Variants in GPC5 observed in about 807,000 individuals in gnomAD.
GPC5 encodes glypican 5.
A neutral mutation model predicts 53.9 loss-of-function variants in GPC5; 47 were observed. That is an observed-to-expected ratio of 0.87 (90% CI 0.69 to 1.11). The LOEUF (loss-of-function observed/expected upper bound fraction) is 1.11, where lower values mean the gene tolerates loss of function less well. Among genes scored for constraint, GPC5 ranks in the 50% most tolerant of loss-of-function variants. The pLI, the probability that GPC5 is intolerant of heterozygous loss-of-function variation, is 0.00. For missense variants in GPC5, 748 were observed against 713.1 expected (o/e 1.05, Z -0.56); for synonymous variants, 286 against 263.3 (o/e 1.09, Z -0.84).
intron 6 of GPC5, among the ~76,000 whole-genome samples, chr13:92,099,305 G>A (rs2041446840): frequency 1.3e-5 from 2 of 152,036 alleles, no homozygotes; most frequent in African/African-American, 2.4e-5. Context: ...AAAGCTATCC[G>A]TACATGGCTC....
At chr13:92,510,481 T>G (rs1880524472) in intron 7 of GPC5, among the ~76,000 whole-genome samples, 2 of 152,220 alleles carry the variant, frequency 1.3e-5, no homozygotes, top group South Asian at 4.1e-4. Flanking sequence ...TAGAAACAAC[T>G]GGCTTCAGGG....
chr13:91,561,968 A>G lies in GPC5; in HGVS notation c.325+113046A>G, dbSNP rs7324920. Among the ~76,000 whole-genome samples the G allele has an allele frequency of 8.7e-3, 1,325 of 152,200 alleles. 16 individuals are homozygous for G. The highest frequency in any genetic ancestry group is 0.031 in the African/African-American group (1,275 of 41,532). On this transcript the variant is annotated intron_variant, in intron 2 of 7. Transcript: ENST00000377067. Reference sequence around the variant, plus strand: ...TGCCATCTACTTTGTACCATTACAGAGGTTTCAAAATTGTCTTGCACATAA... The same window carrying G: ...TGCCATCTACTTTGTACCATTACAGGGGTTTCAAAATTGTCTTGCACATAA...
chr13:92,791,476 T>C (rs1203636072), intron 7 of GPC5, among the ~76,000 whole-genome samples: 1 of 151,298 alleles, frequency 6.6e-6, no homozygotes, highest in Non-Finnish European at 1.5e-5. Flanking sequence ...GGAGGGACAA[T>C]AGTAGTCATC....
At chr13:91,700,246 G>T (rs1039153418) in intron 3 of GPC5, among the ~76,000 whole-genome samples, 4 of 152,148 alleles carry the variant, frequency 2.6e-5, no homozygotes, top group Non-Finnish European at 5.9e-5. Context: ...TCATAATGAG[G>T]CAAGTCCAAA....
intron 7 of GPC5, among the ~76,000 whole-genome samples, chr13:92,610,683 G>T (rs1377156761): frequency 1.3e-5 from 2 of 152,162 alleles, no homozygotes; most frequent in African/African-American, 4.8e-5. Context: ...TCATAGTTCA[G>T]CATGGCTGGG....
chr13:92,615,883 C>T (rs958335710), intron 7 of GPC5, among the ~76,000 whole-genome samples: 6 of 152,078 alleles, frequency 3.9e-5, no homozygotes, highest in Non-Finnish European at 8.8e-5. Flanking sequence ...GAAACCCCGT[C>T]TCTACTAAAA....
In GPC5 at chr13:92,718,893, C is replaced by A. The variant is rs979890715; in HGVS notation, c.1562-147389C>A. 3.1e-4 allele frequency among the ~76,000 whole-genome samples: 34 copies of A among 109,382 alleles called. 1 individual carries two copies. The highest frequency in any genetic ancestry group is 7.7e-4 in the African/African-American group (24 of 31,266). The allele number at this position is 109,382 out of a possible 152,430, so 71.8% of individuals were successfully genotyped here. A position where few individuals can be genotyped will look rare whatever the true frequency, so the allele number is the denominator to read the frequency against. On this transcript the variant is annotated intron_variant, in intron 7 of 7. Transcript: ENST00000377067. ...GCAACAGAGTGAGACTCCGTCCCCC[C>A]ACAAAAAAAAAAAAAAAAATTGTTA...
intron 5 of GPC5, among the ~76,000 whole-genome samples, chr13:91,793,069 C>T (rs2037993224): frequency 6.6e-6 from 1 of 152,134 alleles, no homozygotes. Context: ...TCTCATTCTG[C>T]TGCTGAAGAC....
chr13:92,594,042 C>G (rs1177426707), intron 7 of GPC5, among the ~76,000 whole-genome samples: 1 of 152,146 alleles, frequency 6.6e-6, no homozygotes, highest in Admixed American at 6.5e-5. Context: ...CAAAATTTTA[C>G]AATCTGGCAA....
At chr13:92,021,702 A>G (rs1041743226) in intron 6 of GPC5, among the ~76,000 whole-genome samples, 25 of 152,210 alleles carry the variant, frequency 1.6e-4, no homozygotes, top group African/African-American at 5.8e-4. Context: ...ACTTCTGTCA[A>G]TAGCCTAACA....
At chr13:92,317,289 T>C (rs2043185558) in intron 7 of GPC5, among the ~76,000 whole-genome samples, 1 of 151,956 alleles carries the variant, frequency 6.6e-6, no homozygotes, top group Admixed American at 6.6e-5. Context: ...GGGAGGGTGT[T>C]TGTCATCAGT....
At chr13:91,772,780 C>T (rs1167073529) in intron 5 of GPC5, among the ~76,000 whole-genome samples, 3 of 152,090 alleles carry the variant, frequency 2.0e-5, no homozygotes, top group Non-Finnish European at 4.4e-5. Context: ...ATTCTCAGGT[C>T]CCCAACTCAG....
At chr13:91,895,917 CTATT>C (rs2039436153) in intron 5 of GPC5, among the ~76,000 whole-genome samples, 1 of 151,792 alleles carries the variant, frequency 6.6e-6, no homozygotes, top group African/African-American at 2.4e-5. Context: ...AGGAGATAAT[CTATT>C]TCTCACCTCT....
intron 2 of GPC5, among the ~76,000 whole-genome samples, chr13:91,593,026 G>A (rs1240699398): frequency 6.6e-6 from 1 of 152,176 alleles, no homozygotes; most frequent in Non-Finnish European, 1.5e-5. Flanking sequence ...GTTCCATACC[G>A]GCTGAAGACC....
At chr13:92,617,824 T>C (rs960912496) in intron 7 of GPC5, among the ~76,000 whole-genome samples, 2 of 152,140 alleles carry the variant, frequency 1.3e-5, no homozygotes, top group African/African-American at 4.8e-5. Context: ...ACTTACAGGA[T>C]TTTATTCTTT....
chr13:92,000,726 G>A (rs911037609), intron 6 of GPC5, among the ~76,000 whole-genome samples: 8 of 152,186 alleles, frequency 5.3e-5, no homozygotes, highest in Non-Finnish European at 1.2e-4. Flanking sequence ...CTCAGATGCT[G>A]GCAGGTAGCA....
At chr13:91,492,841 C>A (rs1019824999) in intron 2 of GPC5, among the ~76,000 whole-genome samples, 1 of 152,186 alleles carries the variant, frequency 6.6e-6, no homozygotes, top group Non-Finnish European at 1.5e-5. Context: ...GTCAGCCACC[C>A]ACTCCGTGGA....
In GPC5 at chr13:91,500,872, T is replaced by A. The variant is rs1439573574; in HGVS notation, c.325+51950T>A. ...TTGGCTCATAGGGGTGGTTCCCCCA[T>A]ACTGTTCTCATGGTGGTGAATAAAT... On this transcript the variant is annotated intron_variant, in intron 2 of 7. Coordinates refer to ENST00000377067, the MANE Select transcript of GPC5 (RefSeq NM_004466.6). Among the ~76,000 whole-genome samples the A allele has an allele frequency of 2.0e-5, 3 of 152,160 alleles. No homozygotes were observed. The East Asian group carries it at 5.8e-4, about 29-fold the overall frequency.
intron 2 of GPC5, among the ~76,000 whole-genome samples, chr13:91,669,771 T>A (rs1163942363): frequency 6.6e-6 from 1 of 152,204 alleles, no homozygotes; most frequent in Non-Finnish European, 1.5e-5. Context: ...AAAATTTCCC[T>A]TTAAGACCAG....
Sources: allele counts gnomAD v4.1 joint callset (sites outside exome capture counted in the v4.1 genomes callset), GRCh38; gene constraint gnomAD v4.1.1; transcripts MANE v1.5; gene names NCBI Gene and HGNC (gene_info 2026-07-23, HGNC 2026-07-21).